The following SLC39A12 variants were observed in gnomAD, a reference collection of about 807,000 sequenced individuals.
SLC39A12 encodes solute carrier family 39 member 12.
Under a neutral mutation model 71.1 loss-of-function variants are expected in SLC39A12, and 63 were observed. The ratio of observed to expected loss-of-function variants is 0.89; its 90% confidence interval spans 0.72 to 1.09. The LOEUF (loss-of-function observed/expected upper bound fraction) is 1.09. Ranked by LOEUF, SLC39A12 falls within the 50% of genes least tolerant of loss-of-function variation. The pLI, the probability that SLC39A12 is intolerant of heterozygous loss-of-function variation, is 0.00. For synonymous variants in SLC39A12, 351 were observed against 301.3 expected (o/e 1.16, Z -1.71); for missense variants, 892 against 812.6 (o/e 1.10, Z -1.19).
At position 18,000,761 on chromosome 10, in the gene SLC39A12, A is replaced by C; in HGVS notation, c.1695A>C (p.Ser565=). Residue 565 remains serine, a synonymous_variant, in exon 11 of 13, where the codon TCA becomes TCC. Coordinates refer to ENST00000377369, the MANE Select transcript of SLC39A12 (RefSeq NM_001145195.2). The part of the protein sequence containing the change: ...DGLAIGAAFS[S]SSESGVTTTI... ...TAGCCATAGGAGCAGCCTTCTCATCATCATCCGAGTCAGGAGTGACCACTA... is the reference window on the plus strand; with the variant it reads ...TAGCCATAGGAGCAGCCTTCTCATCCTCATCCGAGTCAGGAGTGACCACTA... 1 of 1,614,218 alleles carries C rather than the reference A, an allele frequency of 6.2e-7. No individual in the cohort carries two copies. The highest frequency in any genetic ancestry group is 1.6e-4 in the Middle Eastern group (1 of 6,062).
chr10:17,987,432 T>A (rs1835426842), intron 6 of SLC39A12, 47 bp from the exon 7 acceptor site: 1 of 1,590,856 alleles, frequency 6.3e-7, no homozygotes, highest in South Asian at 1.1e-5. Context: ...GAGGCCGGAA[T>A]GGAGGGCACT....
chr10:18,037,860 A>C (rs1199550382), intron 12 of SLC39A12, among the ~76,000 whole-genome samples: 1 of 151,510 alleles, frequency 6.6e-6, no homozygotes, highest in East Asian at 2.0e-4. Flanking sequence ...TCTCTACTAA[A>C]ATACAAAAAA....
chr10:17,996,794 G>A (rs746707456), intron 10 of SLC39A12, among the ~76,000 whole-genome samples: 3 of 151,904 alleles, frequency 2.0e-5, no homozygotes, highest in Non-Finnish European at 4.4e-5. Context: ...TCAGGAGATC[G>A]AGACCATCCT....
At chr10:18,005,203 A>G (rs1173931484) in intron 12 of SLC39A12, among the ~76,000 whole-genome samples, 2 of 152,166 alleles carry the variant, frequency 1.3e-5, no homozygotes, top group Non-Finnish European at 2.9e-5. Flanking sequence ...AAACCTGCAT[A>G]TGTACCCCGG....
intron 12 of SLC39A12, among the ~76,000 whole-genome samples, chr10:18,017,644 G>A (rs1175407900): frequency 6.6e-6 from 1 of 152,082 alleles, no homozygotes. Context: ...TTGAAAAGAG[G>A]CCATTGCTCC....
intron 12 of SLC39A12, among the ~76,000 whole-genome samples, chr10:18,033,001 G>C (rs375451931): frequency 2.4e-4 from 37 of 151,464 alleles, no homozygotes; most frequent in East Asian, 1.6e-3. Context: ...GGATGAAGCC[G>C]ACTTGATCAT....
At chr10:18,027,818 A>C (rs1345195117) in intron 12 of SLC39A12, among the ~76,000 whole-genome samples, 1 of 152,248 alleles carries the variant, frequency 6.6e-6, no homozygotes, top group Non-Finnish European at 1.5e-5. Context: ...TTTGTAAGCC[A>C]AATGGTGACT....
chr10:18,014,506 A>C (rs1044115492), intron 12 of SLC39A12, among the ~76,000 whole-genome samples: 2 of 152,216 alleles, frequency 1.3e-5, no homozygotes, highest in African/African-American at 4.8e-5. Context: ...TACAACAATC[A>C]CATAAGCCCT....
rs367625818 is a variant in SLC39A12, at chr10:18,000,857, C to A, written c.1759+32C>A. The A allele has an allele frequency of 1.0e-4, 161 of 1,596,058 alleles. No individual in the cohort carries two copies. The African/African-American group carries it at 2.0e-3, about 20-fold the overall frequency. On this transcript the variant is annotated intron_variant, in intron 11 of 12. Transcript: ENST00000377369. ...TCAACAATGGAATTACTGTTTCTGGCCTGTTGAGAAAGAAATAACATCTTT... is the reference window on the plus strand; with the variant it reads ...TCAACAATGGAATTACTGTTTCTGGACTGTTGAGAAAGAAATAACATCTTT...
At chr10:17,953,913 T>C (rs1191148520) in intron 2 of SLC39A12, among the ~76,000 whole-genome samples, 2 of 152,272 alleles carry the variant, frequency 1.3e-5, no homozygotes, top group South Asian at 2.1e-4. Context: ...TGGAGCATAA[T>C]GCGATCTGAT....
chr10:17,986,159 A>AT (rs1835391739), intron 6 of SLC39A12, among the ~76,000 whole-genome samples: 1 of 152,192 alleles, frequency 6.6e-6, no homozygotes, highest in Non-Finnish European at 1.5e-5. Flanking sequence ...TTAAGATATG[A>AT]TTAAAGGGAA....
intron 11 of SLC39A12, chr10:18,001,730 G>A (rs1835839498): frequency 6.6e-6 from 1 of 152,012 alleles, no homozygotes; most frequent in African/African-American, 2.4e-5. Context: ...TGGAGTACAT[G>A]CGATGTTTTG....
At position 18,037,891 on chromosome 10, in the gene SLC39A12, G is replaced by T. The variant is rs565014361; in HGVS notation, c.1948-4814G>T. ...AAAAATTAGCCAGGCATGGTGGTGCGTGCCTGTAGTCCCAGCTACGTGGGC... is the reference window on the plus strand; with the variant it reads ...AAAAATTAGCCAGGCATGGTGGTGCTTGCCTGTAGTCCCAGCTACGTGGGC... On this transcript the variant is annotated intron_variant, in intron 12 of 12. Transcript: ENST00000377369. Among the ~76,000 whole-genome samples the T allele has an allele frequency of 2.0e-5, 3 of 151,752 alleles. No homozygotes were observed. The East Asian group carries it at 5.8e-4, about 30-fold the overall frequency.
At chr10:18,024,104 C>T (rs553413972) in intron 12 of SLC39A12, among the ~76,000 whole-genome samples, 2 of 152,064 alleles carry the variant, frequency 1.3e-5, no homozygotes, top group African/African-American at 4.8e-5. Flanking sequence ...CCCTAGTGCC[C>T]AGGTGGAGGT....
intron 12 of SLC39A12, among the ~76,000 whole-genome samples, chr10:18,007,640 A>G (rs1836068359): frequency 6.6e-6 from 1 of 152,190 alleles, no homozygotes. Context: ...TTTCTTCATG[A>G]TATGCTAAAC....
intron 12 of SLC39A12, among the ~76,000 whole-genome samples, chr10:18,009,253 G>T (rs1428508606): frequency 6.6e-6 from 1 of 152,086 alleles, no homozygotes; most frequent in Non-Finnish European, 1.5e-5. Flanking sequence ...CTACAATGGG[G>T]GGAACTGGAC....
At chr10:17,955,501 C>G (rs1834517084) in intron 2 of SLC39A12, among the ~76,000 whole-genome samples, 1 of 152,126 alleles carries the variant, frequency 6.6e-6, no homozygotes, top group South Asian at 2.1e-4. Flanking sequence ...CGGGTTCTGG[C>G]GCGAACCACA....
At chr10:17,991,950 A>G (rs964267600) in intron 8 of SLC39A12, among the ~76,000 whole-genome samples, 1 of 152,072 alleles carries the variant, frequency 6.6e-6, no homozygotes, top group African/African-American at 2.4e-5. Flanking sequence ...TTAGCCAGGC[A>G]TGATGCCGCG....
At chr10:17,973,383 T>C (rs1424431746) in intron 4 of SLC39A12, among the ~76,000 whole-genome samples, 1 of 152,164 alleles carries the variant, frequency 6.6e-6, no homozygotes, top group Non-Finnish European at 1.5e-5. Context: ...TTCTTTCTGA[T>C]TGAAGTAGTC....
Sources: allele counts gnomAD v4.1 joint callset (sites outside exome capture counted in the v4.1 genomes callset), GRCh38; gene constraint gnomAD v4.1.1; transcripts MANE v1.5; gene names NCBI Gene and HGNC (gene_info 2026-07-23, HGNC 2026-07-21).